RIMS1: variants seen among roughly 807,000 people sequenced by gnomAD.
The protein encoded by RIMS1 is regulating synaptic membrane exocytosis 1.
Under a neutral mutation model 214.1 loss-of-function variants are expected in RIMS1, and 83 were observed. That is an observed-to-expected ratio of 0.39 (90% CI 0.32 to 0.47). The LOEUF (loss-of-function observed/expected upper bound fraction) is 0.47. RIMS1 is among the 20% of genes least tolerant of loss of function. The pLI, the probability that RIMS1 is intolerant of heterozygous loss-of-function variation, is 0.99. For synonymous variants in RIMS1, 793 were observed against 786.8 expected, an observed-to-expected ratio of 1.01 and a Z score of -0.13; for missense variants, 2,050 against 2,161.8, an observed-to-expected ratio of 0.95 and a Z score of 1.03.
intron 28 of RIMS1, among the ~76,000 whole-genome samples, chr6:72,329,916 T>C (rs558490800): frequency 6.6e-6 from 1 of 151,916 alleles, no homozygotes; most frequent in Admixed American, 6.6e-5. Context: ...CAGCTGGATA[T>C]ATAAATCTGG....
At chr6:72,278,844 C>T (rs1469699203) in intron 23 of RIMS1, among the ~76,000 whole-genome samples, 1 of 152,008 alleles carries the variant, frequency 6.6e-6, no homozygotes, top group Non-Finnish European at 1.5e-5. Flanking sequence ...TTTAATTTTT[C>T]CTTCCCAAAC....
chr6:72,262,633 G>C, intron 19 of RIMS1: 1 of 911,310 alleles, frequency 1.1e-6, no homozygotes, highest in Non-Finnish European at 1.3e-6. Context: ...TTATATTCAT[G>C]TATTTATAAA....
chr6:72,265,197 G>A (rs900391080), intron 20 of RIMS1, 145 bp downstream of exon 20: 2 of 623,884 alleles, frequency 3.2e-6, no homozygotes, highest in African/African-American at 3.7e-5. Context: ...TAATTATACA[G>A]TGAGAGACAT....
intron 1 of RIMS1, among the ~76,000 whole-genome samples, chr6:71,945,751 C>CTTT (rs397776439): frequency 7.7e-5 from 11 of 143,626 alleles, no homozygotes; most frequent in African/African-American, 1.5e-4. Flanking sequence ...ATGATGTAAT[C>CTTT]TTTTTTTTTT....
At chr6:72,013,563 A>C (rs1811629035) in intron 2 of RIMS1, among the ~76,000 whole-genome samples, 1 of 152,188 alleles carries the variant, frequency 6.6e-6, no homozygotes, top group Non-Finnish European at 1.5e-5. Context: ...AAGTGTCCTG[A>C]AAATCCAGGA....
At chr6:72,379,965 T>C (rs1226462471) in intron 29 of RIMS1, among the ~76,000 whole-genome samples, 2 of 152,138 alleles carry the variant, frequency 1.3e-5, no homozygotes, top group East Asian at 3.8e-4. Context: ...TTTAAAAATA[T>C]ATATTCACAA....
At chr6:72,093,283 CAA>C (rs1836854928) in intron 2 of RIMS1, among the ~76,000 whole-genome samples, 1 of 143,246 alleles carries the variant, frequency 7.0e-6, no homozygotes, top group Non-Finnish European at 1.6e-5. Flanking sequence ...CATACACACA[CAA>C]AGAGAACTCA....
chr6:72,027,784 A>G (rs1816963384), intron 2 of RIMS1, among the ~76,000 whole-genome samples: 2 of 152,116 alleles, frequency 1.3e-5, no homozygotes, highest in African/African-American at 4.8e-5. Flanking sequence ...TAATGGGAGT[A>G]TAGGAGAAAT....
At chr6:72,142,967 C>T (rs12527431) in intron 4 of RIMS1, among the ~76,000 whole-genome samples, 11,529 of 152,084 alleles carry the variant, frequency 0.076, 667 homozygotes, top group East Asian at 0.29. Flanking sequence ...CTCCATAGGA[C>T]AGTTTTATTA....
At chr6:72,036,990 A>G (rs1271421439) in intron 2 of RIMS1, among the ~76,000 whole-genome samples, 3 of 152,184 alleles carry the variant, frequency 2.0e-5, no homozygotes, top group African/African-American at 7.2e-5. Context: ...CATACCAGAA[A>G]CAACAGCTGT....
At chr6:72,111,098 A>T (rs1167174052) in intron 4 of RIMS1, among the ~76,000 whole-genome samples, 2 of 152,210 alleles carry the variant, frequency 1.3e-5, no homozygotes, top group Non-Finnish European at 2.9e-5. Flanking sequence ...TATTCAAGAT[A>T]AAAGAAAAAA....
At chr6:72,103,168 G>A (rs912630934) in intron 4 of RIMS1, among the ~76,000 whole-genome samples, 2 of 152,062 alleles carry the variant, frequency 1.3e-5, no homozygotes, top group African/African-American at 2.4e-5. Context: ...TGGCTGATTA[G>A]ATTTCACAAG....
chr6:72,227,368 T>C (rs1356348050), intron 6 of RIMS1, among the ~76,000 whole-genome samples: 2 of 152,006 alleles, frequency 1.3e-5, no homozygotes, highest in African/African-American at 4.8e-5. Flanking sequence ...TCTATAGTTA[T>C]AATGCAGTTT....
chr6:72,312,119 T>C (rs2095542025), intron 27 of RIMS1, among the ~76,000 whole-genome samples: 2 of 152,226 alleles, frequency 1.3e-5, no homozygotes, highest in Admixed American at 1.3e-4. Context: ...ATCCAGGTTG[T>C]AGCATCAGTT....
chr6:71,911,407 CA>C, intron 1 of RIMS1, among the ~76,000 whole-genome samples: 1 of 152,186 alleles, frequency 6.6e-6, no homozygotes, highest in South Asian at 2.1e-4. Context: ...CTATTTAAAA[CA>C]ATTTTCTTAT....
At chr6:72,233,042 G>A (rs1344660431) in intron 6 of RIMS1, among the ~76,000 whole-genome samples, 2 of 151,758 alleles carry the variant, frequency 1.3e-5, no homozygotes, top group African/African-American at 2.4e-5. Flanking sequence ...CTCTTCTCAT[G>A]TAGGTTACCC....
chr6:72,167,473 C>G (rs182479945), intron 4 of RIMS1, among the ~76,000 whole-genome samples: 1 of 152,132 alleles, frequency 6.6e-6, no homozygotes, highest in Non-Finnish European at 1.5e-5. Context: ...ATGTGGTTCT[C>G]CTCCCTCTTT....
intron 2 of RIMS1, among the ~76,000 whole-genome samples, chr6:72,008,113 G>A (rs1235112283): frequency 1.3e-5 from 2 of 152,198 alleles, no homozygotes; most frequent in African/African-American, 2.4e-5. Context: ...CATCAGACTA[G>A]CAGCTGATCT....
chr6:72,277,820 G>A (rs544145065), intron 23 of RIMS1, among the ~76,000 whole-genome samples: 2 of 151,988 alleles, frequency 1.3e-5, no homozygotes, highest in South Asian at 4.2e-4. Flanking sequence ...CTATATATAC[G>A]TAATTATATG....
Sources: gnomAD v4.1 joint callset for allele counts (sites outside exome capture counted in the v4.1 genomes callset) on GRCh38, gnomAD v4.1.1 for gene constraint, MANE v1.5 for transcripts, NCBI Gene and HGNC (gene_info 2026-07-23, HGNC 2026-07-21) for gene names.